CCDC148: variants seen among roughly 807,000 people sequenced by gnomAD.
CCDC148 encodes the protein coiled-coil domain containing 148.
A neutral mutation model predicts 85.7 loss-of-function variants in CCDC148; 89 were observed. The ratio of observed to expected loss-of-function variants is 1.04; its 90% CI spans 0.87 to 1.24. The LOEUF (loss-of-function observed/expected upper bound fraction) is 1.24. CCDC148 is among the 50% of genes most tolerant of loss of function. CCDC148 has a pLI of 0.00. For synonymous variants in CCDC148, 230 were observed against 213.9 expected, an observed-to-expected ratio of 1.08 and a Z score of -0.66; for missense variants, 692 against 671.7, an observed-to-expected ratio of 1.03 and a Z score of -0.33.
rs192645241 is a variant in CCDC148, at chr2:158,178,832, A to T, written c.1488+47T>A. 5.6e-3 allele frequency: 7,223 copies of T among 1,281,232 alleles called. 258 individuals carry two copies. The African/African-American group carries it at 0.09, about 16-fold the overall frequency. The allele number at this position is 1,281,232 out of a possible 1,614,324, so 79.4% of individuals were successfully genotyped here. On this transcript the variant is annotated intron_variant, in intron 12 of 13. Coordinates refer to ENST00000283233, the MANE Select transcript of CCDC148 (RefSeq NM_138803.4). ...AATGCTATTAAGAGCACTTAGAAACATTTTTTTTAAAAAAACCACCCATGA... is the reference window on the plus strand; with the variant it reads ...AATGCTATTAAGAGCACTTAGAAACTTTTTTTTTAAAAAAACCACCCATGA...
intron 1 of CCDC148, among the ~76,000 whole-genome samples, chr2:158,427,801 G>A (rs911024293): frequency 6.6e-6 from 1 of 152,104 alleles, no homozygotes; most frequent in Non-Finnish European, 1.5e-5. Context: ...AGCTGAAGAG[G>A]TCGAGGCTAC....
intron 11 of CCDC148, among the ~76,000 whole-genome samples, chr2:158,213,821 A>G (rs568708538): frequency 1.4e-3 from 213 of 152,334 alleles, no homozygotes; most frequent in African/African-American, 5.0e-3. Context: ...AAATAAACAT[A>G]TACATCAAAG....
intron 11 of CCDC148, among the ~76,000 whole-genome samples, chr2:158,215,282 T>G (rs1235780750): frequency 1.3e-5 from 2 of 152,202 alleles, no homozygotes; most frequent in African/African-American, 2.4e-5. Context: ...AACTAAATTT[T>G]AGAAGAAATA....
intron 9 of CCDC148, among the ~76,000 whole-genome samples, chr2:158,282,723 A>T (rs953857282): frequency 3.9e-5 from 6 of 152,214 alleles, no homozygotes; most frequent in African/African-American, 1.4e-4. Flanking sequence ...TTATAGATTC[A>T]ATGCCATCCC....
intron 10 of CCDC148, among the ~76,000 whole-genome samples, chr2:158,222,310 A>G (rs778081200): frequency 4.7e-4 from 72 of 152,282 alleles, no homozygotes; most frequent in Non-Finnish European, 6.2e-4. Context: ...GATTTCTGAC[A>G]CCACTTGATC....
At chr2:158,257,028 C>T (rs1221437643) in intron 9 of CCDC148, among the ~76,000 whole-genome samples, 1 of 151,634 alleles carries the variant, frequency 6.6e-6, no homozygotes, top group African/African-American at 2.4e-5. Flanking sequence ...ATGGATAATG[C>T]TCTGAAGTTA....
intron 9 of CCDC148, among the ~76,000 whole-genome samples, chr2:158,272,015 T>G (rs1689719099): frequency 6.6e-6 from 1 of 152,208 alleles, no homozygotes; most frequent in Non-Finnish European, 1.5e-5. Flanking sequence ...ATTCTTTGTT[T>G]TATTTGATCC....
At chr2:158,440,124 C>A (rs1041292628) in intron 1 of CCDC148, among the ~76,000 whole-genome samples, 17 of 152,050 alleles carry the variant, frequency 1.1e-4, no homozygotes, top group Non-Finnish European at 8.8e-5. Context: ...CTGCCTCAGC[C>A]TCCAAAGGTG....
rs1055559293 is a variant in CCDC148, at chr2:158,283,746, T to C, written c.1110+25687A>G. Among the ~76,000 whole-genome samples the C allele has an allele frequency of 8.3e-4, 126 of 151,852 alleles. 1 individual carries two copies. Among genetic ancestry groups the C allele is most frequent in the Non-Finnish European group, 6.8e-4 (46 of 67,912 alleles). ...TTCCTCAGGGATCTAGAACTAGAAA[T>C]ACCATTTGACCCAGCCATCCCATTA... is the stretch of plus-strand genomic sequence containing the variant. On this transcript the variant is annotated intron_variant, in intron 9 of 13. Coordinates refer to ENST00000283233, the MANE Select transcript of CCDC148 (RefSeq NM_138803.4).
At chr2:158,433,261 A>AATATATATATAT (rs375554012) in intron 1 of CCDC148, among the ~76,000 whole-genome samples, 14,680 of 122,148 alleles carry the variant, frequency 0.12, 1,535 homozygotes, top group Non-Finnish European at 0.17. Context: ...CCTTGACTCA[A>AATATATATATAT]ATATATATAT....
chr2:158,280,065 C>T (rs917033048), intron 9 of CCDC148, among the ~76,000 whole-genome samples: 1 of 151,846 alleles, frequency 6.6e-6, no homozygotes, highest in African/African-American at 2.4e-5. Context: ...CCTTTACAGA[C>T]AAGCAAATGC....
At chr2:158,271,772 T>C (rs1559032601) in intron 9 of CCDC148, among the ~76,000 whole-genome samples, 1 of 152,178 alleles carries the variant, frequency 6.6e-6, no homozygotes, top group Non-Finnish European at 1.5e-5. Flanking sequence ...TTGGACTGTA[T>C]TCCTCATGGA....
At chr2:158,384,825 A>G (rs1685017823) in intron 1 of CCDC148, among the ~76,000 whole-genome samples, 1 of 152,072 alleles carries the variant, frequency 6.6e-6, no homozygotes, top group Non-Finnish European at 1.5e-5. Flanking sequence ...AAACAACAAT[A>G]CCCATTCTTA....
At chr2:158,331,788 G>A (rs1184777790) in intron 7 of CCDC148, among the ~76,000 whole-genome samples, 1 of 152,076 alleles carries the variant, frequency 6.6e-6, no homozygotes, top group African/African-American at 2.4e-5. Flanking sequence ...TTTGATCTTT[G>A]TTGGTTTAAA....
At chr2:158,277,721 C>G (rs182928423) in intron 9 of CCDC148, among the ~76,000 whole-genome samples, 9 of 152,094 alleles carry the variant, frequency 5.9e-5, no homozygotes, top group Non-Finnish European at 1.0e-4. Flanking sequence ...CTCAGCCTCC[C>G]GAGTAGCTGG....
intron 10 of CCDC148, among the ~76,000 whole-genome samples, chr2:158,241,966 G>A (rs1437514637): frequency 6.6e-6 from 1 of 152,162 alleles, no homozygotes; most frequent in Admixed American, 6.6e-5. Flanking sequence ...AGTACATTTT[G>A]TTGATGATTG....
chr2:158,328,230 T>C lies in CCDC148; in HGVS notation c.764+10496A>G, dbSNP rs562951401. On this transcript the variant is annotated intron_variant, in intron 7 of 13. Transcript: ENST00000283233. ...TTCCTGTGTCCATGTGTTCTCATTG[T>C]TCAATTCCCACCTATGACTGAGAAC... 1.8e-3 allele frequency among the ~76,000 whole-genome samples: 277 copies of C among 152,294 alleles called. 1 individual carries two copies. The highest frequency in any genetic ancestry group is 6.5e-3 in the African/African-American group (269 of 41,562).
At chr2:158,349,884 C>A (rs1443480179) in intron 2 of CCDC148, among the ~76,000 whole-genome samples, 4 of 152,038 alleles carry the variant, frequency 2.6e-5, no homozygotes, top group Non-Finnish European at 4.4e-5. Flanking sequence ...AGGACAATTC[C>A]TCATCATCAT....
At chr2:158,190,396 T>C (rs996136857) in intron 11 of CCDC148, among the ~76,000 whole-genome samples, 2 of 151,988 alleles carry the variant, frequency 1.3e-5, no homozygotes, top group Non-Finnish European at 2.9e-5. Context: ...GTGCCATATA[T>C]GTAAATGTAT....
Sources: allele counts gnomAD v4.1 joint callset (sites outside exome capture counted in the v4.1 genomes callset), GRCh38; gene constraint gnomAD v4.1.1; transcripts MANE v1.5; gene names NCBI Gene and HGNC (gene_info 2026-07-23, HGNC 2026-07-21).